MSI2: variants seen among roughly 807,000 people sequenced by gnomAD.
MSI2 encodes the protein musashi RNA binding protein 2.
Under a neutral mutation model 45.6 loss-of-function variants are expected in MSI2, and 17 were observed. That is an observed-to-expected ratio of 0.37 (90% CI 0.26 to 0.56). The LOEUF is 0.56. Ranked by LOEUF, MSI2 falls within the 20% of genes least tolerant of loss-of-function variation. MSI2 has a pLI of 0.77. For missense variants in MSI2, 293 were observed against 444.2 expected (o/e 0.66, Z 3.06); for synonymous variants, 156 against 158.2 (o/e 0.99, Z 0.11).
At chr17:57,621,002 G>A (rs964987728) in intron 9 of MSI2, among the ~76,000 whole-genome samples, 6 of 152,224 alleles carry the variant, frequency 3.9e-5, no homozygotes, top group African/African-American at 1.4e-4. Flanking sequence ...GCCCAGCTTG[G>A]CCCTCTGGGT....
At chr17:57,495,444 A>G (rs1346398637) in intron 6 of MSI2, among the ~76,000 whole-genome samples, 1 of 146,874 alleles carries the variant, frequency 6.8e-6, no homozygotes, top group East Asian at 2.1e-4. Flanking sequence ...GAGGCAGGAG[A>G]ATCACTTGAA....
chr17:57,312,693 T>G (rs902974402), intron 5 of MSI2, among the ~76,000 whole-genome samples: 1 of 152,134 alleles, frequency 6.6e-6, no homozygotes, highest in African/African-American at 2.4e-5. Context: ...TTAACTTGAC[T>G]CCCTCCTCTC....
At chr17:57,262,248 T>A in intron 5 of MSI2, 56 bp downstream of exon 5, 1 of 1,576,142 alleles carries the variant, frequency 6.3e-7, no homozygotes, top group Non-Finnish European at 8.7e-7. Context: ...TGCCAAGAAT[T>A]TCAAATTTCA....
chr17:57,637,871 A>G (rs944429495), intron 10 of MSI2, among the ~76,000 whole-genome samples: 1 of 152,122 alleles, frequency 6.6e-6, no homozygotes. Flanking sequence ...TCCTCTGTGG[A>G]CTGAGGCCCC....
chr17:57,284,069 G>C (rs1909654537), intron 5 of MSI2, among the ~76,000 whole-genome samples: 1 of 152,178 alleles, frequency 6.6e-6, no homozygotes, highest in South Asian at 2.1e-4. Context: ...TGATTTTCTG[G>C]ATCGACACAG....
intron 5 of MSI2, among the ~76,000 whole-genome samples, chr17:57,392,695 A>G (rs1352741939): frequency 6.6e-6 from 1 of 152,128 alleles, no homozygotes; most frequent in East Asian, 1.9e-4. Flanking sequence ...GGCAACGTAA[A>G]ATATTGTTAT....
intron 10 of MSI2, among the ~76,000 whole-genome samples, chr17:57,645,282 C>G (rs1173322275): frequency 2.6e-5 from 4 of 152,182 alleles, no homozygotes; most frequent in Non-Finnish European, 5.9e-5. Flanking sequence ...TCACAGGGGA[C>G]AGGCCACAAG....
rs369037544 is a variant in MSI2, at chr17:57,401,478, G to A, written c.405+7G>A. On this transcript the variant is annotated splice_region_variant and intron_variant, in intron 6 of 13. Coordinates refer to ENST00000284073, the MANE Select transcript of MSI2 (RefSeq NM_138962.4). ...TTTCGAGCAGTTTGGCAAGGTAAGC[G>A]CTGGATGGGGTTGGATGGCACATGC... The A allele has an allele frequency of 1.0e-4, 168 of 1,612,324 alleles. 1 individual carries two copies. The highest frequency in any genetic ancestry group is 4.9e-4 in the Middle Eastern group (3 of 6,080).
chr17:57,666,959 CTG>C, intron 11 of MSI2, among the ~76,000 whole-genome samples: 1 of 152,342 alleles, frequency 6.6e-6, no homozygotes, highest in Non-Finnish European at 1.5e-5. Context: ...AGCCACCAAA[CTG>C]TAAGAGACAG....
intron 7 of MSI2, among the ~76,000 whole-genome samples, chr17:57,572,191 T>C (rs1339812357): frequency 6.6e-6 from 1 of 152,208 alleles, no homozygotes; most frequent in Admixed American, 6.5e-5. Context: ...CAAGGAGGAA[T>C]GTCGCAGGTT....
chr17:57,328,618 G>A (rs1238917588), intron 5 of MSI2, among the ~76,000 whole-genome samples: 2 of 152,184 alleles, frequency 1.3e-5, no homozygotes, highest in Non-Finnish European at 2.9e-5. Flanking sequence ...ATTTTCAATG[G>A]CAGCAGAATG....
At chr17:57,429,071 C>A (rs1030916390) in intron 6 of MSI2, among the ~76,000 whole-genome samples, 1 of 152,164 alleles carries the variant, frequency 6.6e-6, no homozygotes, top group Non-Finnish European at 1.5e-5. Flanking sequence ...CCTTTCCCAG[C>A]ATATCTGGCT....
chr17:57,420,316 A>G (rs1279171790), intron 6 of MSI2, among the ~76,000 whole-genome samples: 101 of 152,284 alleles, frequency 6.6e-4, no homozygotes, highest in Non-Finnish European at 2.9e-5. Context: ...AAAATGAATT[A>G]TGGGCTCTCA....
chr17:57,264,011 C>A (rs1047468190), intron 5 of MSI2: 1 of 152,260 alleles, frequency 6.6e-6, no homozygotes, highest in African/African-American at 2.4e-5. Context: ...TGTCCCTAAC[C>A]TTCTCTCAGT....
intron 6 of MSI2, among the ~76,000 whole-genome samples, chr17:57,476,449 G>A (rs895735801): frequency 3.3e-5 from 5 of 152,218 alleles, no homozygotes. Context: ...CAAACAAGAA[G>A]CTGTCCTTCT....
At chr17:57,635,394 C>A (rs750972192) in intron 10 of MSI2, among the ~76,000 whole-genome samples, 1 of 152,242 alleles carries the variant, frequency 6.6e-6, no homozygotes, top group Non-Finnish European at 1.5e-5. Context: ...TCTCTCTGCA[C>A]CCCATCTCCT....
chr17:57,560,775 T>A (rs1171255799), intron 7 of MSI2, among the ~76,000 whole-genome samples: 1 of 152,240 alleles, frequency 6.6e-6, no homozygotes, highest in Non-Finnish European at 1.5e-5. Context: ...GTACGGTTCC[T>A]CGCAGCTCAG....
At position 57,529,626 on chromosome 17, in the gene MSI2, T is replaced by C; in HGVS notation, c.406-50T>C. The C allele has an allele frequency of 6.4e-7, 1 of 1,564,896 alleles. No homozygotes were observed. On this transcript the variant is annotated intron_variant, in intron 6 of 13. Transcript: ENST00000284073. The surrounding 1 kb of genome is among the most constrained non-coding windows in gnomAD (Gnocchi z 5.3). ...CCCGACATGCATATAATGTTTTGTG[T>C]ACTTTCTTAAAATTCCTAAGGCAGC...
intron 5 of MSI2, among the ~76,000 whole-genome samples, chr17:57,346,218 C>T (rs1915584286): frequency 6.6e-6 from 1 of 152,180 alleles, no homozygotes; most frequent in Non-Finnish European, 1.5e-5. Context: ...TGAGAAACCA[C>T]TTGCTCACTT....
Sources: allele counts gnomAD v4.1 joint callset (sites outside exome capture counted in the v4.1 genomes callset), GRCh38; gene constraint gnomAD v4.1.1; non-coding constraint Gnocchi (gnomAD v3.1); transcripts MANE v1.5; gene names NCBI Gene and HGNC (gene_info 2026-07-23, HGNC 2026-07-21).